The following C10orf53 variants were observed in gnomAD, a reference collection of about 807,000 sequenced individuals.
The protein encoded by C10orf53 is chromosome 10 open reading frame 53, also known as UPF0728 protein C10orf53.
A neutral mutation model predicts 9.4 loss-of-function variants in C10orf53; 8 were observed. That is an observed-to-expected ratio of 0.85 (90% CI 0.50 to 1.53). C10orf53 has a LOEUF of 1.53. C10orf53 is among the 40% of genes most tolerant of loss of function. The pLI is 0.00. For synonymous variants in C10orf53, 48 were observed against 46.0 expected (o/e 1.04, Z -0.18); for missense variants, 117 against 117.8 (o/e 0.99, Z 0.03).
At chr10:49,705,596 C>G (rs1188287843) in intron 2 of C10orf53, among the ~76,000 whole-genome samples, 3 of 151,758 alleles carry the variant, frequency 2.0e-5, no homozygotes, top group Non-Finnish European at 2.9e-5. Flanking sequence ...GAAGTTGGAC[C>G]CCTACCTCAC....
chr10:49,694,598 A>T lies in C10orf53; in HGVS notation c.278A>T (p.Tyr93Phe), dbSNP rs777704145. The change falls in exon 3 of 3, where the codon TAC becomes TTC. Residue 93 changes from tyrosine (Y) to phenylalanine (F), a missense_variant. Transcript: ENST00000374111. ...GCCAGGATAGCCGTGCTGAATGCCT[A>T]CTGATCTCCTCATGGAACAGGCATC... The part of the protein sequence containing the change: ...EKARIAVLNA[Y>F] 6.2e-7 allele frequency: 1 copy of T among 1,614,204 alleles called. No homozygotes were observed. Among genetic ancestry groups the T allele is most frequent in the Non-Finnish European group, 8.5e-7 (1 of 1,180,034 alleles).
exon 3 of C10orf53, chr10:49,708,788 G>T (rs6537550): frequency 3.5e-6 from 3 of 848,116 alleles, no homozygotes; most frequent in Admixed American, 2.9e-5. Flanking sequence ...CAAACCCAAC[G>T]TGATTCTCCC....
At chr10:49,699,710 C>CTA (rs1342144752), downstream of C10orf53, among the ~76,000 whole-genome samples, 1 of 152,186 alleles carries the variant, frequency 6.6e-6, no homozygotes, top group Non-Finnish European at 1.5e-5. Flanking sequence ...CTGTCCACAG[C>CTA]TATAGTGTGT....
intron 1 of C10orf53, among the ~76,000 whole-genome samples, chr10:49,684,832 A>G (rs751058992): frequency 1.2e-4 from 18 of 152,118 alleles, no homozygotes; most frequent in Non-Finnish European, 2.5e-4. Context: ...TCCAATTTAG[A>G]TGACTTTTAT....
intron 1 of C10orf53, 41 bp downstream of exon 1, chr10:49,679,835 T>A: frequency 2.7e-6 from 4 of 1,500,178 alleles, no homozygotes; most frequent in Non-Finnish European, 3.6e-6. Context: ...GGCCCCAGCC[T>A]CTGAGCATCC....
intron 2 of C10orf53, 140 bp downstream of exon 2, chr10:49,694,033 T>C: frequency 1.6e-6 from 2 of 1,214,104 alleles, no homozygotes; most frequent in Non-Finnish European, 1.2e-6. Context: ...CTGAAAGCCC[T>C]GTGCTTTCAG....
chr10:49,707,757 C>T (rs76411521), intron 2 of C10orf53, among the ~76,000 whole-genome samples: 2,659 of 152,072 alleles, frequency 0.017, 38 homozygotes, highest in Non-Finnish European at 0.026. Flanking sequence ...CCAGGTAGCA[C>T]GCCGCATTTG....
chr10:49,689,537 A>G (rs1564505028), intron 1 of C10orf53, among the ~76,000 whole-genome samples: 1 of 152,134 alleles, frequency 6.6e-6, no homozygotes, highest in Non-Finnish European at 1.5e-5. Flanking sequence ...GAAAAAACAA[A>G]CCTCACACAC....
At chr10:49,689,840 A>G (rs1353557379) in intron 1 of C10orf53, among the ~76,000 whole-genome samples, 1 of 152,176 alleles carries the variant, frequency 6.6e-6, no homozygotes, top group Non-Finnish European at 1.5e-5. Flanking sequence ...CTTTTCTATA[A>G]TTTTAAAGTT....
In C10orf53 at chr10:49,695,774, C is replaced by T. The variant is rs749114331; in HGVS notation, c.*1172C>T. On this transcript the variant is annotated 3_prime_UTR_variant, in exon 3 of 3. Transcript: ENST00000374111. ...GAGTTGATTCAGGGATTGTGAATCA[C>T]TTAGAACTCTATGGAACTATTTAAG... is the stretch of plus-strand genomic sequence containing the variant. 2 of 152,206 alleles carry T rather than the reference C, an allele frequency of 1.3e-5. No homozygotes were observed. The highest frequency in any genetic ancestry group is 4.8e-5 in the African/African-American group (2 of 41,448). 9.4% of individuals were successfully genotyped at this position (152,206 alleles called of 1,614,324 possible).
rs776644083 is a variant in C10orf53, at chr10:49,693,911, G to T, written c.217+18G>T. 6.2e-7 allele frequency: 1 copy of T among 1,614,220 alleles called. No individual in the cohort carries two copies. The highest frequency in any genetic ancestry group is 1.3e-5 in the African/African-American group (1 of 75,076). On this transcript the variant is annotated intron_variant, in intron 2 of 2. Transcript: ENST00000374111. ...GGAGTTCGGTAAGCCCTTTGGCGAT[G>T]CTTCCAGCCAGCAATTTGCCTCCTC... is the stretch of plus-strand genomic sequence containing the variant.
intron 1 of C10orf53, among the ~76,000 whole-genome samples, chr10:49,688,941 C>T (rs1840555853): frequency 6.6e-6 from 1 of 152,168 alleles, no homozygotes; most frequent in South Asian, 2.1e-4. Flanking sequence ...TTACCTACCT[C>T]AGCACGCACT....
intron 2 of C10orf53, among the ~76,000 whole-genome samples, chr10:49,702,985 T>G (rs1840695204): frequency 6.6e-6 from 1 of 152,124 alleles, no homozygotes; most frequent in Non-Finnish European, 1.5e-5. Context: ...TCCCTTCTTT[T>G]TCTTTTTTCA....
At chr10:49,707,971 A>G (rs1488317935) in intron 2 of C10orf53, among the ~76,000 whole-genome samples, 1 of 152,104 alleles carries the variant, frequency 6.6e-6, no homozygotes, top group Admixed American at 6.5e-5. Context: ...GAAGGGTACC[A>G]GTATTAGTGC....
At chr10:49,690,729 A>G (rs1840576041) in intron 1 of C10orf53, among the ~76,000 whole-genome samples, 1 of 152,214 alleles carries the variant, frequency 6.6e-6, no homozygotes, top group Non-Finnish European at 1.5e-5. Context: ...GAAGGAATTG[A>G]AACCAATCCA....
At chr10:49,692,294 C>T (rs1029489530) in intron 1 of C10orf53, among the ~76,000 whole-genome samples, 30 of 152,218 alleles carry the variant, frequency 2.0e-4, no homozygotes, top group African/African-American at 7.0e-4. Context: ...ATTAGGGCCG[C>T]CTATGGGTAC....
At chr10:49,686,481 C>T (rs1840530041) in intron 1 of C10orf53, among the ~76,000 whole-genome samples, 1 of 152,080 alleles carries the variant, frequency 6.6e-6, no homozygotes. Flanking sequence ...AGAATACAGC[C>T]GTATTTTTCT....
Position 49,695,728 on chromosome 10 carries a change from C to T in C10orf53, c.*1126C>T, listed in dbSNP as rs1158546088. The stretch of plus-strand genomic sequence containing the variant: ...GTAGGGGATATAATTTTTAAAACCC[C>T]AGCCCAAGCTTCACTTGTCAGAGTT... On this transcript the variant is annotated 3_prime_UTR_variant, in exon 3 of 3. Transcript: ENST00000374111. The T allele has an allele frequency of 6.6e-6, 1 of 152,230 alleles. No individual in the cohort carries two copies. Among genetic ancestry groups the T allele is most frequent in the African/African-American group, 2.4e-5 (1 of 41,460 alleles). 9.4% of individuals were successfully genotyped at this position (152,230 alleles called of 1,614,324 possible).
chr10:49,706,384 T>A (rs114192891), intron 2 of C10orf53, among the ~76,000 whole-genome samples: 2 of 152,172 alleles, frequency 1.3e-5, no homozygotes, highest in African/African-American at 4.8e-5. Flanking sequence ...ATCCATACAA[T>A]AGAATATTGT....
Sources: gnomAD v4.1 joint callset for allele counts (sites outside exome capture counted in the v4.1 genomes callset) on GRCh38, gnomAD v4.1.1 for gene constraint, MANE v1.5 for transcripts, NCBI Gene and HGNC (gene_info 2026-07-23, HGNC 2026-07-21) for gene names.